Variants in ANKS1B observed in about 807,000 individuals in gnomAD.
ANKS1B encodes the protein ankyrin repeat and sterile alpha motif domain containing 1B, also known as ankyrin repeat and sterile alpha motif domain-containing protein 1B.
ANKS1B carries 36 observed loss-of-function variants against 148.3 expected under a neutral mutation model. That is an observed-to-expected ratio of 0.24 (90% CI 0.19 to 0.32). The LOEUF (loss-of-function observed/expected upper bound fraction) is 0.32. ANKS1B is among the 10% of genes least tolerant of loss of function. The probability of loss-of-function intolerance (pLI) is 1.00; values close to 1 mark genes in which losing one functional copy is unlikely to be tolerated. For synonymous variants in ANKS1B, 542 were observed against 560.8 expected (o/e 0.97, Z 0.47); for missense variants, 1,157 against 1,542.6 (o/e 0.75, Z 4.19).
At chr12:99,499,135 G>C (rs2096631865) in intron 10 of ANKS1B, among the ~76,000 whole-genome samples, 1 of 152,194 alleles carries the variant, frequency 6.6e-6, no homozygotes, top group African/African-American at 2.4e-5. Context: ...CTGTGGGGCT[G>C]AGTGGATAAG....
At chr12:99,292,086 C>T (rs1035293536) in intron 12 of ANKS1B, among the ~76,000 whole-genome samples, 3 of 152,134 alleles carry the variant, frequency 2.0e-5, no homozygotes, top group African/African-American at 4.8e-5. Context: ...TGATTCAGGA[C>T]ATAGGCATGG....
At chr12:98,741,617 G>C (rs371712094), downstream of ANKS1B, among the ~76,000 whole-genome samples, 1 of 152,144 alleles carries the variant, frequency 6.6e-6, no homozygotes, top group Non-Finnish European at 1.5e-5. Context: ...GGCTTGGAAG[G>C]CATGTGAGTT....
At chr12:99,399,896 A>C (rs1225319643) in intron 11 of ANKS1B, 85 bp from the exon 12 acceptor site, 10 of 1,387,984 alleles carry the variant, frequency 7.2e-6, no homozygotes, top group Non-Finnish European at 1.0e-5. Context: ...TCTAAGTGAT[A>C]ATTTTTTTCA....
intron 9 of ANKS1B, among the ~76,000 whole-genome samples, chr12:99,626,473 C>T (rs1289301850): frequency 6.6e-6 from 1 of 152,056 alleles, no homozygotes; most frequent in African/African-American, 2.4e-5. Context: ...AAATGCAGCC[C>T]ACATCCTTTC....
chr12:99,060,484 G>A (rs1159774760), intron 16 of ANKS1B, among the ~76,000 whole-genome samples: 1 of 151,828 alleles, frequency 6.6e-6, no homozygotes, highest in East Asian at 1.9e-4. Flanking sequence ...AGGTTTTCTC[G>A]GCTTTAAAAA....
chr12:99,877,720 GT>G (rs2092208861), intron 1 of ANKS1B, among the ~76,000 whole-genome samples: 1 of 152,142 alleles, frequency 6.6e-6, no homozygotes, highest in African/African-American at 2.4e-5. Flanking sequence ...TTAGGATTGT[GT>G]TTAGTTGTAG....
intron 14 of ANKS1B, among the ~76,000 whole-genome samples, chr12:99,175,050 T>C (rs967133789): frequency 6.6e-6 from 1 of 152,186 alleles, no homozygotes; most frequent in African/African-American, 2.4e-5. Flanking sequence ...TCAGTAGCAT[T>C]TACATAGCTA....
At chr12:98,773,533 CA>C (rs1332763833) in intron 24 of ANKS1B, among the ~76,000 whole-genome samples, 1 of 152,102 alleles carries the variant, frequency 6.6e-6, no homozygotes, top group Non-Finnish European at 1.5e-5. Flanking sequence ...CGGCTCACTG[CA>C]GCCTCCCGCT....
At chr12:99,416,745 T>C (rs1445434177) in intron 11 of ANKS1B, among the ~76,000 whole-genome samples, 3 of 152,266 alleles carry the variant, frequency 2.0e-5, no homozygotes, top group Admixed American at 6.5e-5. Flanking sequence ...CTAGATATTA[T>C]TCTTTGTTAG....
intron 12 of ANKS1B, among the ~76,000 whole-genome samples, chr12:99,259,182 G>A (rs941751630): frequency 6.6e-6 from 1 of 152,202 alleles, no homozygotes; most frequent in Non-Finnish European, 1.5e-5. Context: ...CCACTGGAGT[G>A]TCCTATCCAA....
chr12:99,373,579 C>G (rs1030066951), intron 12 of ANKS1B, among the ~76,000 whole-genome samples: 1 of 152,106 alleles, frequency 6.6e-6, no homozygotes, highest in Non-Finnish European at 1.5e-5. Flanking sequence ...TTTTTTCCAG[C>G]TGATTTATCT....
At chr12:99,936,316 T>C (rs1209642802) in intron 1 of ANKS1B, among the ~76,000 whole-genome samples, 1 of 152,158 alleles carries the variant, frequency 6.6e-6, no homozygotes, top group Non-Finnish European at 1.5e-5. Flanking sequence ...CCATCCTATA[T>C]TTCTGTCTCC....
chr12:99,932,932 T>A (rs1566028013), intron 1 of ANKS1B, among the ~76,000 whole-genome samples: 1 of 152,152 alleles, frequency 6.6e-6, no homozygotes. Context: ...TCTGATTTGA[T>A]TTTTTTAGAT....
intron 9 of ANKS1B, among the ~76,000 whole-genome samples, chr12:99,547,401 C>T (rs1412392094): frequency 6.6e-6 from 1 of 152,066 alleles, no homozygotes; most frequent in African/African-American, 2.4e-5. Context: ...GATCCAACCC[C>T]TAATTCATAA....
intron 1 of ANKS1B, among the ~76,000 whole-genome samples, chr12:99,826,946 G>A (rs1219845077): frequency 6.6e-6 from 1 of 151,860 alleles, no homozygotes; most frequent in African/African-American, 2.4e-5. Context: ...CTCCATGTCT[G>A]CTAAAAATAA....
chr12:99,254,686 C>T (rs2075048657), intron 12 of ANKS1B, among the ~76,000 whole-genome samples: 1 of 152,106 alleles, frequency 6.6e-6, no homozygotes, highest in South Asian at 2.1e-4. Context: ...AGTTAAATGT[C>T]TTATCTTCTA....
At chr12:98,862,106 T>C (rs2099602203) in intron 17 of ANKS1B, among the ~76,000 whole-genome samples, 2 of 152,346 alleles carry the variant, frequency 1.3e-5, no homozygotes, top group African/African-American at 2.4e-5. Context: ...GTCAGTTTGC[T>C]TTTTCTCTAA....
intron 17 of ANKS1B, among the ~76,000 whole-genome samples, chr12:98,874,949 C>T (rs1323284285): frequency 1.3e-5 from 2 of 152,176 alleles, no homozygotes; most frequent in Non-Finnish European, 2.9e-5. Context: ...AATTTTACTC[C>T]TCTTTGAATT....
chr12:99,050,817 G>A (rs1165381758), intron 17 of ANKS1B, among the ~76,000 whole-genome samples: 52 of 146,342 alleles, frequency 3.6e-4, no homozygotes, highest in African/African-American at 1.3e-3. Context: ...TCAGCCTCCC[G>A]AGTAGCTGGG....
Sources: gnomAD v4.1 joint callset for allele counts (sites outside exome capture counted in the v4.1 genomes callset) on GRCh38, gnomAD v4.1.1 for gene constraint, MANE v1.5 for transcripts, NCBI Gene and HGNC (gene_info 2026-07-23, HGNC 2026-07-21) for gene names.